The following PKHD1 variants were observed in gnomAD, a reference collection of about 807,000 sequenced individuals.
PKHD1 encodes the protein PKHD1 ciliary IPT domain containing fibrocystin/polyductin.
Under a neutral mutation model 412.0 loss-of-function variants are expected in PKHD1, and 291 were observed. The ratio of observed to expected loss-of-function variants is 0.71; its 90% CI spans 0.64 to 0.78. PKHD1 has a LOEUF of 0.78. Among genes scored for constraint, PKHD1 ranks in the 30% least tolerant of loss-of-function variants. The pLI is 0.00. For synonymous variants in PKHD1, 1,777 were observed against 1,821.5 expected (o/e 0.98, Z 0.62); for missense variants, 4,825 against 4,950.7 (o/e 0.97, Z 0.76).
At chr6:51,923,896 T>C (rs1223062491) in intron 37 of PKHD1, among the ~76,000 whole-genome samples, 1 of 152,136 alleles carries the variant, frequency 6.6e-6, no homozygotes, top group Non-Finnish European at 1.5e-5. Context: ...GCCATGTGTG[T>C]CTTAAGTCCA....
At chr6:51,651,301 G>A (rs1295221160) in intron 61 of PKHD1, among the ~76,000 whole-genome samples, 2 of 152,096 alleles carry the variant, frequency 1.3e-5, no homozygotes, top group Non-Finnish European at 2.9e-5. Flanking sequence ...CCTAAAACCT[G>A]ACCGTAGGTG....
At chr6:51,950,835 C>A (rs1248143362) in intron 36 of PKHD1, among the ~76,000 whole-genome samples, 6 of 151,960 alleles carry the variant, frequency 3.9e-5, no homozygotes, top group Admixed American at 2.6e-4. Context: ...TGCTAGGTAC[C>A]GAAATAAAAA....
chr6:52,030,673 C>A (rs1398664816), intron 29 of PKHD1, among the ~76,000 whole-genome samples: 2 of 150,972 alleles, frequency 1.3e-5, no homozygotes, highest in African/African-American at 2.4e-5. Context: ...GGCAAGGGAA[C>A]TGGGAGGGGG....
chr6:52,065,929 G>T, intron 12 of PKHD1, 47 bp downstream of exon 12: 1 of 917,634 alleles, frequency 1.1e-6, no homozygotes, highest in Non-Finnish European at 1.8e-6. Context: ...TAATCTCCTA[G>T]AGCATCTAAA....
chr6:51,797,688 G>C (rs765346548), intron 52 of PKHD1, among the ~76,000 whole-genome samples: 1 of 152,136 alleles, frequency 6.6e-6, no homozygotes, highest in East Asian at 1.9e-4. Context: ...TTGAACCTAT[G>C]TGTGTCTTTG....
Position 51,975,977 on chromosome 6 carries a change from A to G in PKHD1, c.5752-15951T>C, listed in dbSNP as rs983192891. 2.2e-3 allele frequency: 336 copies of G among 150,380 alleles called. 9 individuals carry two copies. Among genetic ancestry groups the G allele is most frequent in the African/African-American group, 7.9e-3 (326 of 41,232 alleles). The allele number at this position is 150,380 out of a possible 1,614,324, so 9.3% of individuals were successfully genotyped here. ...CTTTCTCTAATTAAAAAAAAAAAAA[A>G]AAAAAAAAAAAAACAGAAAACAACT... On this transcript the variant is annotated intron_variant, in intron 35 of 66. Transcript: ENST00000371117.
chr6:51,804,968 T>C (rs991941096), intron 52 of PKHD1, among the ~76,000 whole-genome samples: 2 of 152,216 alleles, frequency 1.3e-5, no homozygotes, highest in South Asian at 2.1e-4. Context: ...GAAAAAAGTT[T>C]GGTGATTTCT....
chr6:51,854,790 GA>G (rs1348377150), intron 49 of PKHD1, among the ~76,000 whole-genome samples: 1 of 151,722 alleles, frequency 6.6e-6, no homozygotes, highest in Non-Finnish European at 1.5e-5. Flanking sequence ...CTCCAACAGG[GA>G]AAAAACGCAG....
chr6:51,963,720 A>C (rs1196675398), intron 35 of PKHD1, among the ~76,000 whole-genome samples: 1 of 151,846 alleles, frequency 6.6e-6, no homozygotes, highest in Non-Finnish European at 1.5e-5. Context: ...ACTTTGATCC[A>C]ATCAAGAAAA....
At chr6:51,893,539 TGTATGCTACAAA>T (rs1192165117) in intron 43 of PKHD1, among the ~76,000 whole-genome samples, 3 of 152,200 alleles carry the variant, frequency 2.0e-5, no homozygotes, top group African/African-American at 7.2e-5. Flanking sequence ...ACTCCAATTG[TGTATGCTACAAA>T]TGATTCATGA....
At chr6:51,694,355 ATTTCT>A (rs1381789793) in intron 60 of PKHD1, among the ~76,000 whole-genome samples, 1 of 151,560 alleles carries the variant, frequency 6.6e-6, no homozygotes, top group Non-Finnish European at 1.5e-5. Flanking sequence ...TTCCATATGG[ATTTCT>A]TTTTTTAATT....
chr6:51,883,185 A>C lies in PKHD1; in HGVS notation c.7258T>G (p.Tyr2420Asp). 1 of 1,611,922 alleles carries C rather than the reference A, an allele frequency of 6.2e-7. No homozygotes were observed. The highest frequency in any genetic ancestry group is 8.5e-7 in the Non-Finnish European group (1 of 1,178,004). Residue 2420 changes from tyrosine (Y) to aspartate (D), a missense_variant, in exon 46 of 67, where the codon TAT (tyrosine) becomes GAT (aspartate). Transcript: ENST00000371117. ...TCAATTCCAAAATCTCTGCATGAATAAACTTTGAAGTTTTTCAGGCGAAGA... is the reference window on the plus strand; with the variant it reads ...TCAATTCCAAAATCTCTGCATGAATCAACTTTGAAGTTTTTCAGGCGAAGA... ...SNLRLKNFKVYSCRDFGIDVL... is the reference protein window; with the variant it reads ...SNLRLKNFKVDSCRDFGIDVL...
At chr6:51,653,131 A>C (rs1322629473) in intron 61 of PKHD1, among the ~76,000 whole-genome samples, 2 of 152,136 alleles carry the variant, frequency 1.3e-5, no homozygotes, top group Non-Finnish European at 1.5e-5. Context: ...ATGTTGTTCA[A>C]GGCACTGTGA....
intron 26 of PKHD1, 76 bp from the exon 27 acceptor site, chr6:52,043,210 C>T (rs1207900850): frequency 8.5e-7 from 1 of 1,183,416 alleles, no homozygotes; most frequent in Non-Finnish European, 1.2e-6. Context: ...AGACCTCTCA[C>T]TATCATCAAA....
chr6:51,728,168 T>C (rs1782810957), intron 60 of PKHD1, among the ~76,000 whole-genome samples: 1 of 152,162 alleles, frequency 6.6e-6, no homozygotes, highest in African/African-American at 2.4e-5. Context: ...ACCTCTGGAA[T>C]TCTCTCTCTA....
intron 55 of PKHD1, among the ~76,000 whole-genome samples, chr6:51,760,078 C>T (rs1353534878): frequency 6.6e-6 from 1 of 151,996 alleles, no homozygotes; most frequent in Non-Finnish European, 1.5e-5. Context: ...CCAATGAGTG[C>T]ATAAGGCCAC....
intron 52 of PKHD1, among the ~76,000 whole-genome samples, chr6:51,812,082 C>T (rs896047037): frequency 6.6e-6 from 1 of 152,148 alleles, no homozygotes; most frequent in South Asian, 2.1e-4. Context: ...ATGGAGAGAG[C>T]AGCAGGAATG....
chr6:52,069,425 G>A (rs763498601), intron 11 of PKHD1, 32 bp downstream of exon 11: 13 of 1,514,528 alleles, frequency 8.6e-6, no homozygotes, highest in Non-Finnish European at 1.2e-5. Flanking sequence ...TGAGGCACAA[G>A]GGAAGGGGTA....
chr6:52,046,122 G>T lies in PKHD1; in HGVS notation c.2474C>A (p.Thr825Lys). The T allele has an allele frequency of 6.2e-7, 1 of 1,613,446 alleles. No individual in the cohort carries two copies. The highest frequency in any genetic ancestry group is 8.5e-7 in the Non-Finnish European group (1 of 1,179,364). Residue 825 changes from threonine (T) to lysine (K), a missense_variant, in exon 24 of 67, where the codon ACA becomes AAA. By Grantham distance (78) the Thr-to-Lys change is moderately conservative. Transcript: ENST00000371117. ...GTCACTGGCATTGAGGTACCTGGAT[G>T]TGAAGTCATCGGCATTATTCTGTAA... ...QLLQNNADDFTSRYLNASDFT... is the reference protein window; with the variant it reads ...QLLQNNADDFKSRYLNASDFT...
Sources: gnomAD v4.1 joint callset for allele counts (sites outside exome capture counted in the v4.1 genomes callset) on GRCh38, gnomAD v4.1.1 for gene constraint, MANE v1.5 for transcripts, NCBI Gene and HGNC (gene_info 2026-07-23, HGNC 2026-07-21) for gene names.